The following CRPPA variants were observed in gnomAD, a reference collection of about 807,000 sequenced individuals.
CRPPA encodes the protein D-ribitol-5-phosphate cytidylyltransferase.
In CRPPA, 43 loss-of-function variants were observed where a neutral mutation model predicts 52.0. The ratio of observed to expected loss-of-function variants is 0.83; its 90% CI spans 0.65 to 1.07. The LOEUF (loss-of-function observed/expected upper bound fraction) is 1.07. Ranked by LOEUF, CRPPA falls within the 50% of genes least tolerant of loss-of-function variation. The pLI, the probability that CRPPA is intolerant of heterozygous loss-of-function variation, is 0.00. For missense variants in CRPPA, 629 were observed against 551.7 expected (o/e 1.14, Z -1.40); for synonymous variants, 250 against 203.5 (o/e 1.23, Z -1.94).
intron 3 of CRPPA, among the ~76,000 whole-genome samples, chr7:16,350,560 A>T (rs1183884890): frequency 1.3e-5 from 2 of 152,188 alleles, no homozygotes; most frequent in African/African-American, 4.8e-5. Context: ...GCCTGTTATA[A>T]GATGCTTTAT....
intron 2 of CRPPA, among the ~76,000 whole-genome samples, chr7:16,382,611 C>T (rs1334307913): frequency 2.0e-5 from 3 of 151,972 alleles, no homozygotes; most frequent in Non-Finnish European, 2.9e-5. Flanking sequence ...CCATTCTCCC[C>T]GTCACTTTCA....
chr7:16,300,118 G>C (rs1008301577), intron 5 of CRPPA, among the ~76,000 whole-genome samples: 12 of 152,126 alleles, frequency 7.9e-5, no homozygotes, highest in Non-Finnish European at 1.5e-4. Context: ...TAAATGGTCT[G>C]TTTACATACA....
intron 2 of CRPPA, among the ~76,000 whole-genome samples, chr7:16,385,207 T>C (rs1401110434): frequency 3.3e-5 from 5 of 150,156 alleles, no homozygotes; most frequent in African/African-American, 7.4e-5. Flanking sequence ...GTATTGGGAG[T>C]ACCAAAAGGA....
intron 9 of CRPPA, among the ~76,000 whole-genome samples, chr7:16,123,639 A>C (rs1334553029): frequency 6.6e-6 from 1 of 152,156 alleles, no homozygotes; most frequent in Non-Finnish European, 1.5e-5. Context: ...TGTATGCCAA[A>C]TTGTATGGTG....
intron 5 of CRPPA, among the ~76,000 whole-genome samples, chr7:16,279,967 C>A (rs541209440): frequency 9.2e-5 from 14 of 152,322 alleles, no homozygotes; most frequent in African/African-American, 2.6e-4. Context: ...AGGCACATCT[C>A]ACATGACAGC....
chr7:16,358,028 TGG>T (rs1786348392), intron 3 of CRPPA, among the ~76,000 whole-genome samples: 1 of 152,128 alleles, frequency 6.6e-6, no homozygotes, highest in Non-Finnish European at 1.5e-5. Flanking sequence ...AGTATACTGC[TGG>T]GGTACCAGCA....
chr7:16,176,578 T>C (rs966606792), intron 9 of CRPPA, among the ~76,000 whole-genome samples: 1 of 152,068 alleles, frequency 6.6e-6, no homozygotes, highest in Non-Finnish European at 1.5e-5. Context: ...TAATGCAAAA[T>C]AGTAAAATTA....
intron 9 of CRPPA, among the ~76,000 whole-genome samples, chr7:16,184,624 G>A (rs562916687): frequency 6.6e-6 from 1 of 152,222 alleles, no homozygotes; most frequent in South Asian, 2.1e-4. Flanking sequence ...TAATTCAAAG[G>A]CACATGCTGT....
chr7:16,224,113 C>T (rs1782589968), intron 8 of CRPPA, among the ~76,000 whole-genome samples: 1 of 151,816 alleles, frequency 6.6e-6, no homozygotes, highest in Admixed American at 6.6e-5. Flanking sequence ...TGTGGTTAGC[C>T]TCATGGCTTT....
chr7:16,365,660 T>C (rs1786572001), intron 3 of CRPPA, among the ~76,000 whole-genome samples: 1 of 152,168 alleles, frequency 6.6e-6, no homozygotes, highest in African/African-American at 2.4e-5. Context: ...CAGAGAATAT[T>C]TTAAATGACC....
chr7:16,185,443 T>C (rs2128388840), intron 9 of CRPPA, among the ~76,000 whole-genome samples: 1 of 152,236 alleles, frequency 6.6e-6, no homozygotes, highest in South Asian at 2.1e-4. Context: ...CCATGGCTCA[T>C]TTTACTAACC....
At chr7:16,317,867 G>C (rs1444929621) in intron 3 of CRPPA, among the ~76,000 whole-genome samples, 1 of 152,118 alleles carries the variant, frequency 6.6e-6, no homozygotes, top group Non-Finnish European at 1.5e-5. Context: ...CACCAACAGA[G>C]TATCAAAGTT....
At chr7:16,319,847 A>G (rs1418407779) in intron 3 of CRPPA, among the ~76,000 whole-genome samples, 2 of 152,128 alleles carry the variant, frequency 1.3e-5, no homozygotes, top group Non-Finnish European at 2.9e-5. Context: ...GGGTGGTCAT[A>G]GATTAGGAAA....
chr7:16,200,568 C>T (rs1371392812), intron 9 of CRPPA, among the ~76,000 whole-genome samples: 1 of 152,090 alleles, frequency 6.6e-6, no homozygotes, highest in Non-Finnish European at 1.5e-5. Context: ...ATGTTGCTGC[C>T]TAATTTGATT....
intron 9 of CRPPA, among the ~76,000 whole-genome samples, chr7:16,098,188 G>C (rs1781972245): frequency 6.6e-6 from 1 of 152,174 alleles, no homozygotes; most frequent in Non-Finnish European, 1.5e-5. Flanking sequence ...GAAAAGCTAT[G>C]ATGTAATTCT....
At chr7:16,341,227 G>C (rs1457745747) in intron 3 of CRPPA, among the ~76,000 whole-genome samples, 1 of 151,874 alleles carries the variant, frequency 6.6e-6, no homozygotes, top group African/African-American at 2.4e-5. Context: ...GTGAACCCTA[G>C]TGTAAACTAT....
At chr7:16,348,268 T>C (rs74439935) in intron 3 of CRPPA, among the ~76,000 whole-genome samples, 2,331 of 152,264 alleles carry the variant, frequency 0.015, 27 homozygotes, top group Middle Eastern at 0.051. Context: ...ACTTCAGAAA[T>C]TGCATCCTAA....
At chr7:16,346,910 C>A (rs1170254060) in intron 3 of CRPPA, among the ~76,000 whole-genome samples, 1 of 151,962 alleles carries the variant, frequency 6.6e-6, no homozygotes, top group East Asian at 1.9e-4. Flanking sequence ...AGTAAAGGGC[C>A]AAGCACAGCC....
intron 9 of CRPPA, among the ~76,000 whole-genome samples, chr7:16,097,709 C>T (rs955457299): frequency 6.6e-6 from 1 of 152,090 alleles, no homozygotes; most frequent in African/African-American, 2.4e-5. Flanking sequence ...TGATGGGACT[C>T]CTAAGCCTTT....
Sources: gnomAD v4.1 joint callset for allele counts (sites outside exome capture counted in the v4.1 genomes callset) on GRCh38, gnomAD v4.1.1 for gene constraint, MANE v1.5 for transcripts, NCBI Gene and HGNC (gene_info 2026-07-23, HGNC 2026-07-21) for gene names.